ANKRD50: variants seen among roughly 807,000 people sequenced by gnomAD.
The protein encoded by ANKRD50 is ankyrin repeat domain 50, also known as ankyrin repeat domain-containing protein 50.
ANKRD50 carries 40 observed loss-of-function variants against 112.0 expected under a neutral mutation model. The observed-to-expected ratio is 0.36, with a 90% CI of 0.28 to 0.46. The LOEUF (loss-of-function observed/expected upper bound fraction) is 0.46, where lower values mean the gene tolerates loss of function less well. ANKRD50 is among the 20% of genes least tolerant of loss of function. The pLI is 1.00. For missense variants in ANKRD50, 1,487 were observed against 1,701.7 expected, an observed-to-expected ratio of 0.87 and a Z score of 2.22; for synonymous variants, 613 against 619.1, an observed-to-expected ratio of 0.99 and a Z score of 0.15.
At chr4:124,709,867 T>C (rs2110531209) in intron 2 of ANKRD50, 133 bp downstream of exon 2, 1 of 1,225,902 alleles carries the variant, frequency 8.2e-7, no homozygotes, top group Non-Finnish European at 1.1e-6. Flanking sequence ...ACAGGTATAC[T>C]CATAACTTCA....
At chr4:124,676,712 C>T (rs895111856) in intron 3 of ANKRD50, among the ~76,000 whole-genome samples, 5 of 151,510 alleles carry the variant, frequency 3.3e-5, no homozygotes, top group Non-Finnish European at 7.4e-5. Context: ...AAGGACAATA[C>T]ATTAGAGGTT....
In ANKRD50 at chr4:124,671,582, G is replaced by C; in HGVS notation, c.1695C>G (p.Val565=). Residue 565 remains valine, a synonymous_variant, in exon 4 of 5, where the codon GTC becomes GTG. Coordinates refer to ENST00000504087, the MANE Select transcript of ANKRD50 (RefSeq NM_020337.3). The part of the protein sequence containing the change: ...SGSLDVVNLL[V]SRGADLEIED... ...CTATCTCTAAATCTGCTCCCCTAGA[G>C]ACAAGTAAATTGACTACATCAAGAC... The C allele has an allele frequency of 6.2e-7, 1 of 1,613,802 alleles. No individual in the cohort carries two copies. The highest frequency in any genetic ancestry group is 8.5e-7 in the Non-Finnish European group (1 of 1,179,856).
At chr4:124,678,983 A>G in intron 2 of ANKRD50, 78 bp from the exon 3 acceptor site, 1 of 1,037,702 alleles carries the variant, frequency 9.6e-7, no homozygotes, top group Non-Finnish European at 1.4e-6. Flanking sequence ...ACATTAGAGT[A>G]TTAATTATAA....
chr4:124,668,846 T>G (rs1048206974), intron 4 of ANKRD50, 138 bp downstream of exon 4: 12 of 699,456 alleles, frequency 1.7e-5, no homozygotes, highest in Non-Finnish European at 2.3e-6. Flanking sequence ...TGTAAAGGGG[T>G]GATGAGGCAG....
intron 3 of ANKRD50, among the ~76,000 whole-genome samples, chr4:124,675,170 C>T (rs1578574843): frequency 6.6e-6 from 1 of 151,626 alleles, no homozygotes; most frequent in Non-Finnish European, 1.5e-5. Context: ...TCTATTCTTA[C>T]TTGAACTTTT....
chr4:124,708,627 T>C (rs1725557368), intron 2 of ANKRD50, among the ~76,000 whole-genome samples: 1 of 151,684 alleles, frequency 6.6e-6, no homozygotes, highest in Non-Finnish European at 1.5e-5. Flanking sequence ...TTGCCATACA[T>C]AACCTTCTAA....
At chr4:124,675,827 T>C (rs1231864446) in intron 3 of ANKRD50, among the ~76,000 whole-genome samples, 1 of 151,822 alleles carries the variant, frequency 6.6e-6, no homozygotes, top group Non-Finnish European at 1.5e-5. Flanking sequence ...CCTATGAGAA[T>C]ACCCTAGTTG....
rs1014095802 is a variant in ANKRD50 at position 124,669,943 on chromosome 4, G to C, written c.3334C>G (p.Pro1112Ala). The C allele has an allele frequency of 1.5e-5, 25 of 1,612,946 alleles. No homozygotes were observed. Among genetic ancestry groups the C allele is most frequent in the Non-Finnish European group, 2.1e-5 (25 of 1,179,688 alleles). ...ASSLNGCSPS[P>A]VHTMEQKPLQ... Reference sequence around the variant, plus strand: ...GGTTTTTGCTCCATTGTGTGAACAGGAGATGGGGAACAGCCATTCAAACTA... The same window carrying C: ...GGTTTTTGCTCCATTGTGTGAACAGCAGATGGGGAACAGCCATTCAAACTA... Residue 1112 changes from proline to alanine, a missense_variant, in exon 4 of 5, where the codon CCT (proline) becomes GCT (alanine). By Grantham distance (27) the Pro-to-Ala change is conservative (BLOSUM62 -1). Around this residue, in one of 2 missense-constraint regions of ANKRD50, gnomAD observed 441 missense variants for 432.2 expected, o/e 1.02. Coordinates refer to ENST00000504087, the MANE Select transcript of ANKRD50 (RefSeq NM_020337.3).
intron 2 of ANKRD50, among the ~76,000 whole-genome samples, chr4:124,694,372 T>C (rs931587316): frequency 9.2e-5 from 14 of 152,212 alleles, no homozygotes; most frequent in African/African-American, 2.6e-4. Flanking sequence ...AAGAAAAATA[T>C]AGCCAGTCAG....
chr4:124,687,902 A>G (rs1472471379), intron 2 of ANKRD50, among the ~76,000 whole-genome samples: 1 of 152,258 alleles, frequency 6.6e-6, no homozygotes, highest in Non-Finnish European at 1.5e-5. Context: ...GCCATTTCCA[A>G]CGGTACAACC....
chr4:124,705,758 G>C (rs1725491806), intron 2 of ANKRD50, among the ~76,000 whole-genome samples: 1 of 152,092 alleles, frequency 6.6e-6, no homozygotes, highest in African/African-American at 2.4e-5. Context: ...ACTACTAGGA[G>C]TCCACCTCTA....
rs368512857 is a variant in ANKRD50, at chr4:124,710,013, C to T, written c.499G>A (p.Glu167Lys). Reference sequence around the variant, plus strand: ...TTTTATTGTTACCTTTTAAATGCTTCGGCTGGGTTTCTCTCGCACTCCCCA... The same window carrying T: ...TTTTATTGTTACCTTTTAAATGCTTTGGCTGGGTTTCTCTCGCACTCCCCA... Reference protein sequence around the residue: ...QPGECERNPAEAFKRCVLLPL... With the variant: ...QPGECERNPAKAFKRCVLLPL... The change falls in exon 2 of 5, where the codon GAA becomes AAA. Residue 167 changes from glutamate to lysine, a missense_variant. By Grantham distance (56) the Glu-to-Lys change is moderately conservative. Coordinates refer to ENST00000504087, the MANE Select transcript of ANKRD50 (RefSeq NM_020337.3). 3.8e-5 allele frequency: 61 copies of T among 1,608,832 alleles called. No individual in the cohort carries two copies. In the South Asian group the frequency reaches 5.8e-4, roughly 15 times the overall value.
chr4:124,712,170 C>A (rs1430995073), intron 1 of ANKRD50, among the ~76,000 whole-genome samples: 1 of 152,048 alleles, frequency 6.6e-6, no homozygotes, highest in Non-Finnish European at 1.5e-5. Flanking sequence ...CACCCCGCCC[C>A]GCACCGAGAT....
At position 124,678,919 on chromosome 4, in the gene ANKRD50, A is replaced by G. The variant is rs1724808793; in HGVS notation, c.513-14T>C. ...AGTAGAACACACCTGTAAAACACAT[A>G]CACATGAGCATTTTGAATGTTAAGT... On this transcript the variant is annotated splice_polypyrimidine_tract_variant and intron_variant, in intron 2 of 4. Transcript: ENST00000504087. 1 of 1,542,784 alleles carries G rather than the reference A, an allele frequency of 6.5e-7. No individual in the cohort carries two copies. The highest frequency in any genetic ancestry group is 1.4e-5 in the African/African-American group (1 of 73,150).
At chr4:124,674,833 T>C (rs987765024) in intron 3 of ANKRD50, among the ~76,000 whole-genome samples, 4 of 151,886 alleles carry the variant, frequency 2.6e-5, no homozygotes, top group Non-Finnish European at 4.4e-5. Flanking sequence ...GAAATTACCA[T>C]GTTCTTTACC....
chr4:124,689,055 ACATCC>A (rs1007772308), intron 2 of ANKRD50, among the ~76,000 whole-genome samples: 1 of 152,182 alleles, frequency 6.6e-6, no homozygotes, highest in African/African-American at 2.4e-5. Context: ...CACTCCTATA[ACATCC>A]ATGAAAGCCC....
chr4:124,681,481 T>C (rs1724885216), intron 2 of ANKRD50, among the ~76,000 whole-genome samples: 1 of 152,164 alleles, frequency 6.6e-6, no homozygotes, highest in Non-Finnish European at 1.5e-5. Flanking sequence ...GCCCCGCCTC[T>C]TCCCAATCTC....
At chr4:124,706,855 C>G (rs932746023) in intron 2 of ANKRD50, among the ~76,000 whole-genome samples, 1 of 151,990 alleles carries the variant, frequency 6.6e-6, no homozygotes, top group Non-Finnish European at 1.5e-5. Context: ...GTATCTAACA[C>G]AAAGTTTATT....
rs1279335213 is a variant in ANKRD50, at chr4:124,664,394, GATA to G, written c.*3121_*3123del. On this transcript the variant is annotated 3_prime_UTR_variant, in exon 5 of 5. Transcript: ENST00000504087. The stretch of plus-strand genomic sequence containing the variant: ...ATTCATTTGCTCAGGATTTATTTAA[GATA>G]ATAACTTAAAACAACTAACAGTTGT... The G allele has an allele frequency of 6.6e-6, 1 of 152,072 alleles. No homozygotes were observed. The highest frequency in any genetic ancestry group is 1.5e-5 in the Non-Finnish European group (1 of 67,900). The allele number at this position is 152,072 out of a possible 1,614,324, so 9.4% of individuals were successfully genotyped here. A position where few individuals can be genotyped will look rare whatever the true frequency, so the allele number is the denominator to read the frequency against.
Sources: gnomAD v4.1 joint callset for allele counts (sites outside exome capture counted in the v4.1 genomes callset) on GRCh38, gnomAD v4.1.1 for gene constraint, gnomAD v4.1.1 regional missense constraint, MANE v1.5 for transcripts, NCBI Gene and HGNC (gene_info 2026-07-23, HGNC 2026-07-21) for gene names.